TLN1: variants seen among roughly 807,000 people sequenced by gnomAD.
TLN1 encodes talin 1.
TLN1 carries 56 observed loss-of-function variants against 292.3 expected under a neutral mutation model. The ratio of observed to expected loss-of-function variants is 0.19; its 90% CI spans 0.15 to 0.24. TLN1 has a LOEUF of 0.24. Ranked by LOEUF, TLN1 falls within the 10% of genes least tolerant of loss-of-function variation. The pLI is 1.00. For missense variants in TLN1, 2,433 were observed against 3,248.2 expected (o/e 0.75, Z 6.10); for synonymous variants, 1,119 against 1,253.7 (o/e 0.89, Z 2.27).
chr9:35,714,538 A>C lies in TLN1; in HGVS notation c.2985+36T>G. The C allele has an allele frequency of 6.3e-7, 1 of 1,599,380 alleles. No individual in the cohort carries two copies. Among genetic ancestry groups the C allele is most frequent in the Non-Finnish European group, 8.5e-7 (1 of 1,177,156 alleles). On this transcript the variant is annotated intron_variant, in intron 23 of 56. Coordinates refer to ENST00000314888, the MANE Select transcript of TLN1 (RefSeq NM_006289.4). The surrounding 1 kb of genome is among the most constrained non-coding windows in gnomAD (Gnocchi z 4.6). Reference sequence around the variant, plus strand: ...GAGATGGAAGCTTAGAAAGGTGGGAAGGTCAGGTCAGAGAAGTGCAGAGGG... The same window carrying C: ...GAGATGGAAGCTTAGAAAGGTGGGACGGTCAGGTCAGAGAAGTGCAGAGGG...
At chr9:35,709,886 CAAAAAAAAAAAAAA>C (rs546437173) in intron 33 of TLN1, among the ~76,000 whole-genome samples, 3 of 12,848 alleles carry the variant, frequency 2.3e-4, no homozygotes, top group African/African-American at 3.1e-4. Flanking sequence ...AACTCGGTCT[CAAAAAAAAAAAAAA>C]AAAAAAAAAA....
At chr9:35,703,722 AG>A in intron 47 of TLN1, 46 bp from the exon 48 acceptor site, 1 of 1,614,174 alleles carries the variant, frequency 6.2e-7, no homozygotes. Context: ...AAGGAACAGG[AG>A]GAAGTATGTT....
At chr9:35,705,516 G>A in intron 43 of TLN1, 35 bp downstream of exon 43, 4 of 1,537,864 alleles carry the variant, frequency 2.6e-6, no homozygotes, top group South Asian at 2.5e-5. Context: ...AGGAACAAGG[G>A]GCAGGGGGCA....
chr9:35,722,045 G>T, intron 9 of TLN1, 74 bp downstream of exon 9: 1 of 1,423,570 alleles, frequency 7.0e-7, no homozygotes, highest in Non-Finnish European at 9.9e-7. Context: ...TGAGGGCAAG[G>T]CCAGAGACTT....
At position 35,719,984 on chromosome 9, in the gene TLN1, C is replaced by G; in HGVS notation, c.1464+55G>C. 3 of 1,584,636 alleles carry G rather than the reference C, an allele frequency of 1.9e-6. No homozygotes were observed. Among genetic ancestry groups the G allele is most frequent in the Non-Finnish European group, 2.6e-6 (3 of 1,163,750 alleles). On this transcript the variant is annotated intron_variant, in intron 13 of 56. Coordinates refer to ENST00000314888, the MANE Select transcript of TLN1 (RefSeq NM_006289.4). This position sits in a 1 kb window ranked among gnomAD's most constrained non-coding sequence, Gnocchi z 4.6. ...AAAGACTGCCTAACTCCTGGCTCGG[C>G]CCAGCTGAGGGTGAGAGAAGGGCCC...
In TLN1 at chr9:35,698,952, G is replaced by A. The variant is rs1330505492; in HGVS notation, c.7000-19C>T. Reference sequence around the variant, plus strand: ...CTGCCTCCTGCAATAAGCGAAGGTTGCAGAAAGAGATGTAAAGTCAGAGAT... The same window carrying A: ...CTGCCTCCTGCAATAAGCGAAGGTTACAGAAAGAGATGTAAAGTCAGAGAT... On this transcript the variant is annotated intron_variant, in intron 52 of 56. Transcript: ENST00000314888. This position sits in a 1 kb window ranked among gnomAD's most constrained non-coding sequence, Gnocchi z 5.3. The A allele has an allele frequency of 3.7e-6, 6 of 1,612,410 alleles. No individual in the cohort carries two copies. The South Asian group carries it at 5.5e-5, about 15-fold the overall frequency.
chr9:35,720,916 AGG>A lies in TLN1; in HGVS notation c.1105-5_1105-4del, dbSNP rs1363007736. The A allele has an allele frequency of 6.2e-7, 1 of 1,610,688 alleles. No homozygotes were observed. The highest frequency in any genetic ancestry group is 1.3e-5 in the African/African-American group (1 of 74,844). On this transcript the variant is annotated splice_polypyrimidine_tract_variant and splice_region_variant and intron_variant, in intron 10 of 56. Transcript: ENST00000314888. The stretch of plus-strand genomic sequence containing the variant: ...CCATCTTGGTAATCTCCAAAATCCT[AGG>A]GTGACAAGTGGGGGACTCAGAGGGA...
Position 35,699,663 on chromosome 9 carries a change from C to A in TLN1, c.6769-202G>T. 1 of 985,302 alleles carries A rather than the reference C, an allele frequency of 1.0e-6. No individual in the cohort carries two copies. Among genetic ancestry groups the A allele is most frequent in the Non-Finnish European group, 1.2e-6 (1 of 829,928 alleles). The allele number at this position is 985,302 out of a possible 1,614,324, so 61.0% of individuals were successfully genotyped here. ...AGAGACAGTGGGGCTGTGTCACTCACCGGCTGACAAGGAGCAAGGAGAATG... is the reference window on the plus strand; with the variant it reads ...AGAGACAGTGGGGCTGTGTCACTCAACGGCTGACAAGGAGCAAGGAGAATG... On this transcript the variant is annotated intron_variant, in intron 50 of 56. Coordinates refer to ENST00000314888, the MANE Select transcript of TLN1 (RefSeq NM_006289.4). The surrounding 1 kb of genome is among the most constrained non-coding windows in gnomAD (Gnocchi z 4.0).
intron 3 of TLN1, 128 bp from the exon 4 acceptor site, chr9:35,725,087 A>C: frequency 1.3e-6 from 2 of 1,546,188 alleles, no homozygotes; most frequent in East Asian, 4.5e-5. Flanking sequence ...AAAAGCAGGG[A>C]ATTATGACTG....
In TLN1 at chr9:35,705,612, C is replaced by T. The variant is rs1389990010; in HGVS notation, c.5672G>A (p.Ser1891Asn). 7.5e-6 allele frequency: 12 copies of T among 1,607,980 alleles called. No homozygotes were observed. The highest frequency in any genetic ancestry group is 1.1e-5 in the South Asian group (1 of 90,932). Residue 1891 changes from serine (S) to asparagine (N), a missense_variant, in exon 43 of 57, where the codon AGT (serine) becomes AAT (asparagine). Coordinates refer to ENST00000314888, the MANE Select transcript of TLN1 (RefSeq NM_006289.4). ...CTCCGAGGCCAGACGGCCATAGTCA[C>T]TGGTCAGCTGGTTAGCAAGAGGGCC... The part of the protein sequence containing the change: ...ELGPLANQLT[S>N]DYGRLASEAK...
At chr9:35,728,612 C>G (rs992628116) in intron 1 of TLN1, among the ~76,000 whole-genome samples, 5 of 152,214 alleles carry the variant, frequency 3.3e-5, no homozygotes, top group Non-Finnish European at 7.3e-5. Context: ...TTATCTCAAT[C>G]ACACAGCCCC....
intron 11 of TLN1, 101 bp downstream of exon 11, chr9:35,720,711 C>T (rs796432517): frequency 1.2e-5 from 15 of 1,214,348 alleles, no homozygotes; most frequent in African/African-American, 3.0e-5. Context: ...TTGCAACCTC[C>T]GCCTCCCAGG....
Position 35,717,611 on chromosome 9 carries a change from G to C in TLN1, c.2163+8C>G. ...TCAGCACGGACTAGAGCAACCTTTG[G>C]GGCTCACCTTAGTACAGGCCACTAG... is the stretch of plus-strand genomic sequence containing the variant. On this transcript the variant is annotated splice_region_variant and intron_variant, in intron 18 of 56. Coordinates refer to ENST00000314888, the MANE Select transcript of TLN1 (RefSeq NM_006289.4). The surrounding 1 kb of genome is among the most constrained non-coding windows in gnomAD (Gnocchi z 4.7). The C allele has an allele frequency of 6.2e-7, 1 of 1,604,440 alleles. No homozygotes were observed. The highest frequency in any genetic ancestry group is 1.1e-5 in the South Asian group (1 of 90,830).
In TLN1 at chr9:35,717,811, G is replaced by A. The variant is rs760667683; in HGVS notation, c.1996-25C>T. On this transcript the variant is annotated intron_variant, in intron 17 of 56. Coordinates refer to ENST00000314888, the MANE Select transcript of TLN1 (RefSeq NM_006289.4). The surrounding 1 kb of genome is among the most constrained non-coding windows in gnomAD (Gnocchi z 4.7). Reference sequence around the variant, plus strand: ...CCTGTGAGAAAACAGCAGTTAGCATGACCTGAGATTGGGCTTGGGATTCAC... The same window carrying A: ...CCTGTGAGAAAACAGCAGTTAGCATAACCTGAGATTGGGCTTGGGATTCAC... 6.3e-7 allele frequency: 1 copy of A among 1,584,672 alleles called. No homozygotes were observed. The highest frequency in any genetic ancestry group is 1.1e-5 in the South Asian group (1 of 89,562).
Position 35,699,459 on chromosome 9 carries a change from G to A in TLN1, c.6771C>T (p.Thr2257=). 1 of 1,612,316 alleles carries A rather than the reference G, an allele frequency of 6.2e-7. No homozygotes were observed. The highest frequency in any genetic ancestry group is 8.5e-7 in the Non-Finnish European group (1 of 1,179,040). ...YLELLDHVLL[T]LQKPSPELKQ... ...TCAGTTCTGGGCTTGGCTTCTGCAG[G>A]GTCTGGGCAAGAAGCGGGCAGGGGA... Residue 2257 remains threonine, a splice_region_variant and synonymous_variant, in exon 51 of 57, where the codon ACC becomes ACT. Coordinates refer to ENST00000314888, the MANE Select transcript of TLN1 (RefSeq NM_006289.4). This position sits in a 1 kb window ranked among gnomAD's most constrained non-coding sequence, Gnocchi z 4.0.
chr9:35,710,714 A>G, intron 32 of TLN1, 31 bp from the exon 33 acceptor site: 1 of 1,613,718 alleles, frequency 6.2e-7, no homozygotes, highest in Non-Finnish European at 8.5e-7. Flanking sequence ...GGGGAGTCAG[A>G]GCATGTCCTC....
Position 35,713,953 on chromosome 9 carries a change from T to C in TLN1, c.3249A>G (p.Thr1083=). The change falls in exon 25 of 57, where the codon ACA becomes ACG. Residue 1083 remains threonine, a splice_region_variant and synonymous_variant. Transcript: ENST00000314888. The part of the protein sequence containing the change: ...DGKLKPLPGE[T]MEKCTQDLGN... ...AGAATGAGGTCTTAAACATACTTAC[T>C]GTCTCCCCAGGTAAGGGTTTAAGCT... is the stretch of plus-strand genomic sequence containing the variant. 1 of 1,614,142 alleles carries C rather than the reference T, an allele frequency of 6.2e-7. No homozygotes were observed. The highest frequency in any genetic ancestry group is 8.5e-7 in the Non-Finnish European group (1 of 1,180,042).
intron 8 of TLN1, among the ~76,000 whole-genome samples, chr9:35,722,459 T>C (rs1317202833): frequency 1.3e-5 from 2 of 152,006 alleles, no homozygotes; most frequent in African/African-American, 4.8e-5. Context: ...AACAGAGAGT[T>C]TGGAAGTAGA....
chr9:35,719,625 G>C lies in TLN1; in HGVS notation c.1581C>G (p.Ala527=), dbSNP rs138431045. The C allele has an allele frequency of 3.7e-6, 6 of 1,614,116 alleles. No individual in the cohort carries two copies. In the African/African-American group the frequency reaches 8.0e-5, roughly 22 times the overall value. Residue 527 remains alanine (A), a splice_region_variant and synonymous_variant, in exon 15 of 57, where the codon GCC becomes GCG. Coordinates refer to ENST00000314888, the MANE Select transcript of TLN1 (RefSeq NM_006289.4). This position sits in a 1 kb window ranked among gnomAD's most constrained non-coding sequence, Gnocchi z 4.6. ...DTLPPLGQDA[A]SKAWRKNKMD... Reference sequence around the variant, plus strand: ...TCTTGTTTTTACGCCAGGCCTTAGAGGCCTGAAAGAGAGAGGAAAAGCCTT... The same window carrying C: ...TCTTGTTTTTACGCCAGGCCTTAGACGCCTGAAAGAGAGAGGAAAAGCCTT...
Sources: gnomAD v4.1 joint callset for allele counts (sites outside exome capture counted in the v4.1 genomes callset) on GRCh38, gnomAD v4.1.1 for gene constraint, Gnocchi (gnomAD v3.1) non-coding constraint, MANE v1.5 for transcripts, NCBI Gene and HGNC (gene_info 2026-07-23, HGNC 2026-07-21) for gene names.